Variants in LARP1B observed in about 807,000 individuals in gnomAD.
The protein encoded by LARP1B is la-related protein 1B.
Under a neutral mutation model 114.2 loss-of-function variants are expected in LARP1B, and 76 were observed. That is an observed-to-expected ratio of 0.67 (90% CI 0.55 to 0.81). The LOEUF is 0.81. LARP1B is among the 30% of genes least tolerant of loss of function. The pLI, the probability that LARP1B is intolerant of heterozygous loss-of-function variation, is 0.00. For missense variants in LARP1B, 1,014 were observed against 1,075.8 expected (o/e 0.94, Z 0.80); for synonymous variants, 345 against 348.0 (o/e 0.99, Z 0.10).
Position 128,082,234 on chromosome 4 carries a change from C to A in LARP1B, c.287C>A (p.Ser96Tyr). The change falls in exon 5 of 20, where the codon TCC becomes TAC. Residue 96 changes from serine to tyrosine, a missense_variant. Physicochemically the swap from Ser to Tyr is moderately radical, Grantham distance 144. Transcript: ENST00000326639. The stretch of plus-strand genomic sequence containing the variant: ...TCAGAGAGTCAAGAAAGACCTGGAT[C>A]CCGGAACAGCTCAAGATGTCAACCT... ...VRSESQERPG[S>Y]RNSSRCQPEA... 6.2e-7 allele frequency: 1 copy of A among 1,612,966 alleles called. No homozygotes were observed.
chr4:128,085,882 A>G (rs1034526147), intron 5 of LARP1B, among the ~76,000 whole-genome samples: 1 of 152,166 alleles, frequency 6.6e-6, no homozygotes, highest in Non-Finnish European at 1.5e-5. Context: ...TTAACATTAT[A>G]AGAAACTGCT....
chr4:128,089,819 G>A (rs1775186344), intron 5 of LARP1B, among the ~76,000 whole-genome samples: 1 of 149,534 alleles, frequency 6.7e-6, no homozygotes, highest in Admixed American at 6.7e-5. Flanking sequence ...TGCCCAGGCT[G>A]GAGTGCAGTG....
intron 8 of LARP1B, among the ~76,000 whole-genome samples, chr4:128,104,160 A>G (rs1036261008): frequency 6.6e-6 from 1 of 151,960 alleles, no homozygotes; most frequent in African/African-American, 2.4e-5. Flanking sequence ...TCCTATGTAT[A>G]CGGTCAGGTA....
At chr4:128,073,021 C>T (rs543264336) in intron 1 of LARP1B, among the ~76,000 whole-genome samples, 33 of 152,238 alleles carry the variant, frequency 2.2e-4, no homozygotes, top group African/African-American at 7.7e-4. Context: ...CCTATATGGA[C>T]ATCTTTGTAC....
rs534357345 is a variant in LARP1B, at chr4:128,100,230, C to T, written c.813+1900C>T. Among the ~76,000 whole-genome samples, 75 of 151,228 alleles carry T rather than the reference C, an allele frequency of 5.0e-4. 1 individual carries two copies. The highest frequency in any genetic ancestry group is 1.7e-3 in the African/African-American group (71 of 41,162). ...CATCCGCCTTGGCCTCCCAAAGTGC[C>T]GGGATTACAGGCATGAGCTACCGCG... On this transcript the variant is annotated intron_variant, in intron 8 of 19. Transcript: ENST00000326639.
At chr4:128,205,133 T>G (rs1040367717) in intron 17 of LARP1B, among the ~76,000 whole-genome samples, 12 of 152,228 alleles carry the variant, frequency 7.9e-5, no homozygotes, top group Non-Finnish European at 1.5e-4. Context: ...GCTGTATAAG[T>G]GTGTAGTTGG....
intron 11 of LARP1B, among the ~76,000 whole-genome samples, chr4:128,145,622 A>G (rs1424687815): frequency 2.0e-5 from 3 of 152,140 alleles, no homozygotes; most frequent in East Asian, 3.8e-4. Context: ...CTTCAACTGT[A>G]CTAAACTCTA....
intron 11 of LARP1B, among the ~76,000 whole-genome samples, chr4:128,132,996 C>T (rs1382201606): frequency 6.6e-6 from 1 of 152,006 alleles, no homozygotes; most frequent in Admixed American, 6.6e-5. Flanking sequence ...CTCGCATTTG[C>T]AGTTCACAAT....
chr4:128,077,702 T>C (rs1162619800), intron 3 of LARP1B, 86 bp from the exon 4 acceptor site: 1 of 1,342,132 alleles, frequency 7.5e-7, no homozygotes, highest in African/African-American at 1.5e-5. Context: ...TTTTGCAATT[T>C]TAGGTTAGGT....
At chr4:128,137,308 CTG>C (rs1725776121) in intron 11 of LARP1B, among the ~76,000 whole-genome samples, 1 of 152,094 alleles carries the variant, frequency 6.6e-6, no homozygotes, top group African/African-American at 2.4e-5. Context: ...CTGATATTGG[CTG>C]TGGGTCAGCT....
At chr4:128,188,501 A>G (rs751212033) in intron 15 of LARP1B, among the ~76,000 whole-genome samples, 1 of 152,090 alleles carries the variant, frequency 6.6e-6, no homozygotes, top group Admixed American at 6.5e-5. Context: ...TTTAGTCTCA[A>G]TTTTATTTAT....
At chr4:128,193,638 C>G (rs1753005461) in intron 15 of LARP1B, among the ~76,000 whole-genome samples, 1 of 151,814 alleles carries the variant, frequency 6.6e-6, no homozygotes, top group Non-Finnish European at 1.5e-5. Context: ...ATTTTTGAGA[C>G]AGAGTTTCGC....
chr4:128,102,909 C>T (rs1263603496), intron 8 of LARP1B, among the ~76,000 whole-genome samples: 2 of 152,190 alleles, frequency 1.3e-5, no homozygotes, highest in Admixed American at 6.5e-5. Flanking sequence ...TCTAAATTGT[C>T]TGAACTTGTG....
Position 128,211,725 on chromosome 4 carries a change from C to G in LARP1B, c.*1672C>G, listed in dbSNP as rs1759013982. On this transcript the variant is annotated 3_prime_UTR_variant, in exon 20 of 20. Coordinates refer to ENST00000326639, the MANE Select transcript of LARP1B (RefSeq NM_018078.4). ...TCTCTTGAAATGATCATAAATTTTTCTCAGTGTCCTTTTTGTGTTGAACAC... is the reference window on the plus strand; with the variant it reads ...TCTCTTGAAATGATCATAAATTTTTGTCAGTGTCCTTTTTGTGTTGAACAC... 3.1e-6 allele frequency: 3 copies of G among 983,490 alleles called. No individual in the cohort carries two copies. The highest frequency in any genetic ancestry group is 3.6e-6 in the Non-Finnish European group (3 of 828,218). 60.9% of individuals were successfully genotyped at this position (983,490 alleles called of 1,614,324 possible). A position where few individuals can be genotyped will look rare whatever the true frequency, so the allele number is the denominator to read the frequency against.
At chr4:128,185,653 G>GATTC (rs1168481944) in intron 15 of LARP1B, among the ~76,000 whole-genome samples, 1 of 150,930 alleles carries the variant, frequency 6.6e-6, no homozygotes, top group Non-Finnish European at 1.5e-5. Context: ...TCACTTTGTT[G>GATTC]ATTCCTTCAT....
chr4:128,115,925 C>A (rs915538171), intron 10 of LARP1B, among the ~76,000 whole-genome samples: 1 of 152,212 alleles, frequency 6.6e-6, no homozygotes, highest in Non-Finnish European at 1.5e-5. Context: ...TCCCAGAGTG[C>A]TAGGATTACA....
intron 15 of LARP1B, among the ~76,000 whole-genome samples, chr4:128,197,539 C>T (rs1331691338): frequency 6.6e-6 from 1 of 151,932 alleles, no homozygotes; most frequent in Non-Finnish European, 1.5e-5. Flanking sequence ...ACTAAAAATA[C>T]AAAAATTAGT....
intron 11 of LARP1B, among the ~76,000 whole-genome samples, chr4:128,136,985 C>T (rs1725612519): frequency 6.6e-6 from 1 of 151,992 alleles, no homozygotes; most frequent in South Asian, 2.1e-4. Flanking sequence ...TTAAATTAAA[C>T]AACTCAGCAT....
intron 11 of LARP1B, among the ~76,000 whole-genome samples, chr4:128,130,976 G>T (rs1791381769): frequency 6.6e-6 from 1 of 152,176 alleles, no homozygotes; most frequent in South Asian, 2.1e-4. Context: ...ATTCTGGAAA[G>T]GGCAAAACTA....
Sources: allele counts gnomAD v4.1 joint callset (sites outside exome capture counted in the v4.1 genomes callset), GRCh38; gene constraint gnomAD v4.1.1; transcripts MANE v1.5; gene names NCBI Gene and HGNC (gene_info 2026-07-23, HGNC 2026-07-21).